The following SPAG16 variants were observed in gnomAD, a reference collection of about 807,000 sequenced individuals.
SPAG16 encodes sperm associated antigen 16.
SPAG16 carries 86 observed loss-of-function variants against 80.4 expected under a neutral mutation model. The observed-to-expected ratio is 1.07, with a 90% CI of 0.90 to 1.28. The LOEUF is 1.28. Ranked by LOEUF, SPAG16 falls within the 50% of genes most tolerant of loss-of-function variation. SPAG16 has a pLI of 0.00. For missense variants in SPAG16, 870 were observed against 765.3 expected, an observed-to-expected ratio of 1.14 and a Z score of -1.61; for synonymous variants, 294 against 265.9, an observed-to-expected ratio of 1.11 and a Z score of -1.03.
Position 213,727,172 on chromosome 2 carries a change from A to G in SPAG16, c.1071-135313A>G, listed in dbSNP as rs112672679. On this transcript the variant is annotated intron_variant, in intron 10 of 15. Transcript: ENST00000331683. ...TAAATAATTCAATTTCATATCATAC[A>G]GGAATATTGGTTTTCTAGACAATTG... 8.5e-5 allele frequency among the ~76,000 whole-genome samples: 13 copies of G among 152,340 alleles called. 1 individual carries two copies. Among genetic ancestry groups the G allele is most frequent in the African/African-American group, 2.4e-4 (10 of 41,584 alleles).
intron 10 of SPAG16, among the ~76,000 whole-genome samples, chr2:213,646,168 C>G (rs2062817358): frequency 6.6e-6 from 1 of 152,182 alleles, no homozygotes. Flanking sequence ...TTTCCTATCC[C>G]TTCAGTGCCT....
intron 10 of SPAG16, among the ~76,000 whole-genome samples, chr2:213,759,707 GC>G (rs2068544860): frequency 6.6e-6 from 1 of 151,986 alleles, no homozygotes; most frequent in Non-Finnish European, 1.5e-5. Context: ...AGATAGTAAT[GC>G]AGGAAATGTA....
At chr2:213,783,325 A>T (rs1038528015) in intron 10 of SPAG16, among the ~76,000 whole-genome samples, 1 of 152,006 alleles carries the variant, frequency 6.6e-6, no homozygotes, top group Non-Finnish European at 1.5e-5. Context: ...AATAAAAAAA[A>T]AAAAAAAAAT....
intron 11 of SPAG16, among the ~76,000 whole-genome samples, chr2:213,928,718 T>C (rs16851129): frequency 0.23 from 34,940 of 152,122 alleles, 4,859 homozygotes; most frequent in South Asian, 0.36. Flanking sequence ...TGAGGCTTGG[T>C]GCCGTAGAAA....
At chr2:214,272,384 T>G (rs1323079851) in intron 15 of SPAG16, among the ~76,000 whole-genome samples, 2 of 152,264 alleles carry the variant, frequency 1.3e-5, no homozygotes, top group East Asian at 3.9e-4. Context: ...CCATGTTGGT[T>G]TGCTGCACCT....
intron 14 of SPAG16, among the ~76,000 whole-genome samples, chr2:214,144,376 T>C (rs750524621): frequency 3.3e-5 from 5 of 152,154 alleles, no homozygotes; most frequent in African/African-American, 7.2e-5. Flanking sequence ...TTATATACTT[T>C]AATGTAACCA....
intron 13 of SPAG16, among the ~76,000 whole-genome samples, chr2:214,098,595 A>G (rs2052764036): frequency 6.6e-6 from 1 of 152,098 alleles, no homozygotes; most frequent in Non-Finnish European, 1.5e-5. Context: ...TCTAGCCTCT[A>G]CAACTGTGAA....
At position 214,332,872 on chromosome 2, in the gene SPAG16, C is replaced by T. The variant is rs146716523; in HGVS notation, c.1721-77268C>T. 9.2e-5 allele frequency among the ~76,000 whole-genome samples: 14 copies of T among 152,228 alleles called. No individual in the cohort carries two copies. In the East Asian group the frequency reaches 1.7e-3, roughly 19 times the overall value. On this transcript the variant is annotated intron_variant, in intron 15 of 15. Coordinates refer to ENST00000331683, the MANE Select transcript of SPAG16 (RefSeq NM_024532.5). Reference sequence around the variant, plus strand: ...GGTAGCTGAAAATGATCACTAGATACGTCCATGGCCACATGTAACCTGGAA... The same window carrying T: ...GGTAGCTGAAAATGATCACTAGATATGTCCATGGCCACATGTAACCTGGAA...
chr2:213,708,456 C>T (rs1231808041), intron 10 of SPAG16, among the ~76,000 whole-genome samples: 2 of 152,066 alleles, frequency 1.3e-5, no homozygotes, highest in Non-Finnish European at 2.9e-5. Context: ...AATCCCAGCA[C>T]GTTAGGAAGT....
At chr2:214,363,910 C>A (rs1389912683) in intron 15 of SPAG16, among the ~76,000 whole-genome samples, 1 of 152,076 alleles carries the variant, frequency 6.6e-6, no homozygotes, top group East Asian at 1.9e-4. Flanking sequence ...TTTGAGAAGT[C>A]CTGTTACAAA....
intron 5 of SPAG16, among the ~76,000 whole-genome samples, chr2:213,332,741 ATACAT>A (rs2064163669): frequency 6.6e-6 from 1 of 152,322 alleles, no homozygotes; most frequent in Admixed American, 6.5e-5. Context: ...AATCAGTGTG[ATACAT>A]TACATCAAAA....
chr2:213,671,626 A>T (rs2063815521), intron 10 of SPAG16, among the ~76,000 whole-genome samples: 1 of 152,148 alleles, frequency 6.6e-6, no homozygotes. Flanking sequence ...TAACTTAATG[A>T]CTATGGTGTT....
At chr2:213,756,504 C>T (rs1432085562) in intron 10 of SPAG16, among the ~76,000 whole-genome samples, 1 of 152,064 alleles carries the variant, frequency 6.6e-6, no homozygotes, top group African/African-American at 2.4e-5. Flanking sequence ...CCAGATAAAT[C>T]TTTAGACTAA....
chr2:214,366,544 A>G (rs909242349), intron 15 of SPAG16, among the ~76,000 whole-genome samples: 1 of 152,238 alleles, frequency 6.6e-6, no homozygotes, highest in Non-Finnish European at 1.5e-5. Context: ...ATCCATTTAT[A>G]ATCCATAAAC....
intron 15 of SPAG16, among the ~76,000 whole-genome samples, chr2:214,361,416 A>G (rs1699172823): frequency 1.3e-5 from 2 of 151,764 alleles, no homozygotes; most frequent in Admixed American, 1.3e-4. Context: ...ACACTCATTT[A>G]TGTTTTGGCC....
intron 10 of SPAG16, among the ~76,000 whole-genome samples, chr2:213,640,796 A>C (rs1259151633): frequency 6.6e-6 from 1 of 152,116 alleles, no homozygotes; most frequent in East Asian, 1.9e-4. Context: ...AAGTTAGTAG[A>C]ATTAGCTGTT....
intron 9 of SPAG16, among the ~76,000 whole-genome samples, chr2:213,424,345 C>G (rs1559119021): frequency 6.6e-6 from 1 of 152,106 alleles, no homozygotes; most frequent in Non-Finnish European, 1.5e-5. Flanking sequence ...AAGAATATGT[C>G]TTTTTACCAT....
At chr2:213,292,056 T>C (rs182775461) in intron 1 of SPAG16, among the ~76,000 whole-genome samples, 17 of 152,346 alleles carry the variant, frequency 1.1e-4, no homozygotes, top group African/African-American at 2.4e-4. Flanking sequence ...TTGATTGATA[T>C]TTTCTATGCT....
chr2:213,846,171 T>G (rs1262491694), intron 10 of SPAG16, among the ~76,000 whole-genome samples: 1 of 152,220 alleles, frequency 6.6e-6, no homozygotes, highest in Non-Finnish European at 1.5e-5. Context: ...GAAAATTGTT[T>G]TGAAAATTAG....
Sources: allele counts gnomAD v4.1 joint callset (sites outside exome capture counted in the v4.1 genomes callset), GRCh38; gene constraint gnomAD v4.1.1; transcripts MANE v1.5; gene names NCBI Gene and HGNC (gene_info 2026-07-23, HGNC 2026-07-21).